The following ODF2L variants were observed in gnomAD, a reference collection of about 807,000 sequenced individuals.
ODF2L encodes outer dense fiber of sperm tails 2 like.
In ODF2L, 76 loss-of-function variants were observed where a neutral mutation model predicts 86.3. The observed-to-expected ratio is 0.88, with a 90% CI of 0.73 to 1.07. ODF2L has a LOEUF of 1.07. Among genes scored for constraint, ODF2L ranks in the 50% least tolerant of loss-of-function variants. The pLI, the probability that ODF2L is intolerant of heterozygous loss-of-function variation, is 0.00. For synonymous variants in ODF2L, 241 were observed against 231.3 expected (o/e 1.04, Z -0.38); for missense variants, 748 against 717.4 (o/e 1.04, Z -0.49).
intron 8 of ODF2L, among the ~76,000 whole-genome samples, chr1:86,373,659 TA>T (rs1193087365): frequency 6.6e-6 from 1 of 151,974 alleles, no homozygotes; most frequent in African/African-American, 2.4e-5. Flanking sequence ...AACAAACACA[TA>T]AGCATCAGAG....
chr1:86,391,955 CAA>C (rs1428956447), intron 1 of ODF2L, among the ~76,000 whole-genome samples: 1 of 152,038 alleles, frequency 6.6e-6, no homozygotes, highest in African/African-American at 2.4e-5. Context: ...ATACATCTGA[CAA>C]AAGACTAATA....
chr1:86,352,244 T>C, intron 17 of ODF2L: 2 of 1,472,420 alleles, frequency 1.4e-6, no homozygotes, highest in Non-Finnish European at 1.8e-6. Flanking sequence ...CTCTATGTCA[T>C]TATCTAGTAG....
At chr1:86,355,526 G>A (rs1658482200) in intron 14 of ODF2L, 1 of 615,054 alleles carries the variant, frequency 1.6e-6, no homozygotes, top group Admixed American at 2.9e-5. Context: ...AATTTTGTCT[G>A]CATATTTTTA....
chr1:86,385,595 T>C lies in ODF2L; in HGVS notation c.114-5A>G. On this transcript the variant is annotated splice_polypyrimidine_tract_variant and splice_region_variant and intron_variant, in intron 2 of 17. Coordinates refer to ENST00000317336, the Ensembl canonical transcript of ODF2L. ...TTTAGAATGTCCTGCTTCAGGCTAA[T>C]TACAAATGCACATACAAAATTTAAG... 6.2e-7 allele frequency: 1 copy of C among 1,607,282 alleles called. No homozygotes were observed. The highest frequency in any genetic ancestry group is 8.5e-7 in the Non-Finnish European group (1 of 1,175,858).
intron 7 of ODF2L, among the ~76,000 whole-genome samples, chr1:86,378,692 C>T (rs1045799410): frequency 1.3e-5 from 2 of 152,000 alleles, no homozygotes; most frequent in Non-Finnish European, 2.9e-5. Flanking sequence ...GGGGGGAAGC[C>T]CCTTATAAAA....
exon 18 of ODF2L, chr1:86,351,911 G>A (rs1177169172): frequency 1.1e-5 from 13 of 1,154,760 alleles, no homozygotes; most frequent in Non-Finnish European, 1.4e-5. Flanking sequence ...GGACATTACA[G>A]CAAAACCCAC....
Position 86,371,154 on chromosome 1 carries a change from C to A in ODF2L, c.921-1G>T, listed in dbSNP as rs1558033024. The stretch of plus-strand genomic sequence containing the variant: ...ATCTTCCAAAAGATTAATGATTTGC[C>A]TTTATAAAATCAATGACACATTTTA... On this transcript the variant is annotated splice_acceptor_variant, in intron 9 of 17. Coordinates refer to ENST00000317336, the Ensembl canonical transcript of ODF2L. LOFTEE classifies it high-confidence loss of function. 7.0e-7 allele frequency: 1 copy of A among 1,424,468 alleles called. No individual in the cohort carries two copies. Among genetic ancestry groups the A allele is most frequent in the East Asian group, 2.5e-5 (1 of 40,352 alleles). 88.2% of individuals were successfully genotyped at this position (1,424,468 alleles called of 1,614,324 possible).
At chr1:86,367,265 A>G (rs1345793629) in intron 11 of ODF2L, among the ~76,000 whole-genome samples, 1 of 152,206 alleles carries the variant, frequency 6.6e-6, no homozygotes, top group Non-Finnish European at 1.5e-5. Flanking sequence ...GAATAAAGGC[A>G]TTTTTAGACA....
chr1:86,379,288 T>C (rs947669808), intron 7 of ODF2L, among the ~76,000 whole-genome samples: 5 of 152,180 alleles, frequency 3.3e-5, no homozygotes, highest in Non-Finnish European at 5.9e-5. Context: ...CCTCTACACA[T>C]TGGGGACCAA....
intron 1 of ODF2L, among the ~76,000 whole-genome samples, chr1:86,390,810 A>G (rs1661271618): frequency 6.6e-6 from 1 of 152,188 alleles, no homozygotes; most frequent in Non-Finnish European, 1.5e-5. Context: ...TGTATTCAAC[A>G]TAGTACTGGA....
At chr1:86,380,903 A>G (rs1660535107) in intron 7 of ODF2L, among the ~76,000 whole-genome samples, 2 of 151,934 alleles carry the variant, frequency 1.3e-5, no homozygotes, top group South Asian at 2.1e-4. Flanking sequence ...ATTACTCAAC[A>G]CTAAAAAGTT....
exon 14 of ODF2L, chr1:86,356,462 A>G (rs1156477297): frequency 1.2e-6 from 2 of 1,611,786 alleles, no homozygotes; most frequent in East Asian, 4.5e-5. Context: ...GAAGCTCCCT[A>G]ATGGTGTGTT....
intron 7 of ODF2L, among the ~76,000 whole-genome samples, chr1:86,380,085 T>G (rs1411390726): frequency 6.6e-6 from 1 of 152,222 alleles, no homozygotes; most frequent in Middle Eastern, 3.2e-3. Flanking sequence ...AATACTGAAA[T>G]GAATGTGAAA....
intron 7 of ODF2L, among the ~76,000 whole-genome samples, chr1:86,377,166 C>A (rs527501703): frequency 6.6e-6 from 1 of 152,266 alleles, no homozygotes; most frequent in South Asian, 2.1e-4. Flanking sequence ...AGGACCCATG[C>A]AAGTCCAAAA....
chr1:86,371,226 T>TA, intron 9 of ODF2L, 73 bp from the exon 10 acceptor site: 3 of 781,444 alleles, frequency 3.8e-6, no homozygotes, highest in Non-Finnish European at 5.7e-6. Flanking sequence ...TTAAGTGTGT[T>TA]TCTGAAATCA....
chr1:86,360,388 C>T (rs780227084), intron 12 of ODF2L, 38 bp downstream of exon 11: 2 of 903,614 alleles, frequency 2.2e-6, no homozygotes, highest in South Asian at 1.5e-5. Context: ...AAATTGTCTA[C>T]CAATTTTAGT....
intron 9 of ODF2L, among the ~76,000 whole-genome samples, chr1:86,371,964 G>C (rs937960360): frequency 1.3e-5 from 2 of 152,038 alleles, no homozygotes; most frequent in Admixed American, 6.6e-5. Context: ...GAGGCAGGCG[G>C]ATCACAAGGT....
chr1:86,353,084 T>C (rs1418098824), intron 16 of ODF2L, 100 bp from the exon 16 acceptor site: 1 of 730,022 alleles, frequency 1.4e-6, no homozygotes, highest in East Asian at 2.8e-5. Context: ...CAGATATTAC[T>C]TGTATGTTAT....
intron 8 of ODF2L, among the ~76,000 whole-genome samples, chr1:86,373,298 CT>C (rs568005356): frequency 0.011 from 1,566 of 140,100 alleles, 5 homozygotes; most frequent in African/African-American, 0.015. Flanking sequence ...TTCCATTTTA[CT>C]TTTTTTTTTT....
Sources: allele counts gnomAD v4.1 joint callset (sites outside exome capture counted in the v4.1 genomes callset), GRCh38; gene constraint gnomAD v4.1.1; transcripts MANE v1.5; gene names NCBI Gene and HGNC (gene_info 2026-07-23, HGNC 2026-07-21).